The following PRKG1 variants were observed in gnomAD, a reference collection of about 807,000 sequenced individuals.
The protein encoded by PRKG1 is cGMP-dependent protein kinase 1.
PRKG1 carries 35 observed loss-of-function variants against 88.1 expected under a neutral mutation model. That is an observed-to-expected ratio of 0.40 (90% confidence interval 0.30 to 0.53). The LOEUF is 0.53. Ranked by LOEUF, PRKG1 falls within the 20% of genes least tolerant of loss-of-function variation. PRKG1 has a pLI of 0.59. For missense variants in PRKG1, 540 were observed against 839.8 expected (o/e 0.64, Z 4.41); for synonymous variants, 303 against 292.5 (o/e 1.04, Z -0.37).
At chr10:51,716,698 G>T (rs570817420) in intron 3 of PRKG1, among the ~76,000 whole-genome samples, 37 of 152,160 alleles carry the variant, frequency 2.4e-4, no homozygotes, top group Non-Finnish European at 4.9e-4. Context: ...TAATATTGCT[G>T]TTTTTTCTGA....
At chr10:51,899,892 T>G (rs930876206) in intron 4 of PRKG1, among the ~76,000 whole-genome samples, 8 of 151,822 alleles carry the variant, frequency 5.3e-5, no homozygotes, top group African/African-American at 1.7e-4. Context: ...TGGTGATGAG[T>G]GAGTTCTCAC....
intron 9 of PRKG1, among the ~76,000 whole-genome samples, chr10:52,164,120 G>T (rs1322472306): frequency 6.6e-6 from 1 of 152,066 alleles, no homozygotes; most frequent in Non-Finnish European, 1.5e-5. Flanking sequence ...GGAGGTCAAG[G>T]GGGGAAGATC....
At chr10:52,160,602 A>G (rs1295095749) in intron 8 of PRKG1, among the ~76,000 whole-genome samples, 2 of 151,960 alleles carry the variant, frequency 1.3e-5, no homozygotes, top group Non-Finnish European at 2.9e-5. Context: ...ACCCACCCCA[A>G]GAAGGATGTC....
chr10:51,184,612 GT>G lies in PRKG1; in HGVS notation c.478+31289del, dbSNP rs1015971672. Among the ~76,000 whole-genome samples, 5 of 151,820 alleles carry G rather than the reference GT, an allele frequency of 3.3e-5. 1 individual carries two copies. Among genetic ancestry groups the G allele is most frequent in the East Asian group, 3.9e-4 (2 of 5,180 alleles). ...TGAAACTAATGACTAATGAAGGGTT[GT>G]TTTTTTCTTTTTTTCATTTTAGGAT... On this transcript the variant is annotated intron_variant, in intron 2 of 17. Transcript: ENST00000373980.
At chr10:52,049,029 A>G (rs970489452) in intron 5 of PRKG1, among the ~76,000 whole-genome samples, 1 of 152,180 alleles carries the variant, frequency 6.6e-6, no homozygotes, top group Non-Finnish European at 1.5e-5. Context: ...ATTTCAGATC[A>G]TAAAGACTGT....
intron 2 of PRKG1, among the ~76,000 whole-genome samples, chr10:51,391,380 G>C (rs554811243): frequency 6.6e-6 from 1 of 152,282 alleles, no homozygotes; most frequent in South Asian, 2.1e-4. Flanking sequence ...TTGCTAATCT[G>C]GTTGGTGGAA....
At chr10:51,698,912 G>GGGCCAA in intron 3 of PRKG1, 2 of 1,614,162 alleles carry the variant, frequency 1.2e-6, no homozygotes, top group South Asian at 2.2e-5. Context: ...GCCAGGGCCA[G>GGGCCAA]GGCCAGAGAC....
At chr10:51,026,667 G>A (rs1275941240) in intron 1 of PRKG1, among the ~76,000 whole-genome samples, 3 of 152,110 alleles carry the variant, frequency 2.0e-5, no homozygotes, top group African/African-American at 7.2e-5. Context: ...TTGAGTCACA[G>A]CAGCTAGTTG....
At chr10:52,199,613 C>T (rs529479773) in intron 9 of PRKG1, among the ~76,000 whole-genome samples, 11 of 152,204 alleles carry the variant, frequency 7.2e-5, no homozygotes, top group South Asian at 2.1e-4. Flanking sequence ...TCAGCTTTGC[C>T]GGAGCCCTAC....
intron 3 of PRKG1, among the ~76,000 whole-genome samples, chr10:51,668,715 T>C (rs1370090943): frequency 6.6e-6 from 1 of 152,146 alleles, no homozygotes; most frequent in Non-Finnish European, 1.5e-5. Flanking sequence ...TAGGACTGTT[T>C]TGTGTTTTAG....
intron 5 of PRKG1, among the ~76,000 whole-genome samples, chr10:51,942,486 G>C (rs1842931936): frequency 6.6e-6 from 1 of 151,180 alleles, no homozygotes; most frequent in Non-Finnish European, 1.5e-5. Context: ...TTTGGCTTTG[G>C]TTGCCATTGC....
intron 5 of PRKG1, among the ~76,000 whole-genome samples, chr10:52,037,216 T>C (rs1333052389): frequency 8.0e-5 from 12 of 150,482 alleles, no homozygotes; most frequent in Middle Eastern, 3.4e-3. Flanking sequence ...GCCAGATTTC[T>C]GGCACATGTA....
chr10:51,350,640 C>T (rs1472630533), intron 2 of PRKG1, among the ~76,000 whole-genome samples: 1 of 151,822 alleles, frequency 6.6e-6, no homozygotes, highest in East Asian at 2.0e-4. Flanking sequence ...TCAAATTATC[C>T]TTGTTTGCAG....
intron 1 of PRKG1, among the ~76,000 whole-genome samples, chr10:50,993,713 C>T (rs1842805257): frequency 6.6e-6 from 1 of 152,246 alleles, no homozygotes; most frequent in Admixed American, 6.5e-5. Flanking sequence ...GAGGAGATTT[C>T]ACCAGGATAT....
intron 3 of PRKG1, among the ~76,000 whole-genome samples, chr10:51,470,118 A>G (rs867101141): frequency 6.6e-6 from 1 of 151,726 alleles, no homozygotes. Flanking sequence ...CACATTGTGG[A>G]TGCTACTTTT....
At chr10:52,134,485 C>G (rs929196693) in intron 8 of PRKG1, among the ~76,000 whole-genome samples, 1 of 152,102 alleles carries the variant, frequency 6.6e-6, no homozygotes, top group Admixed American at 6.6e-5. Flanking sequence ...TTCTGGCTTG[C>G]TCTTTTCATT....
intron 2 of PRKG1, among the ~76,000 whole-genome samples, chr10:51,410,507 T>G (rs778654473): frequency 2.8e-4 from 43 of 152,108 alleles, no homozygotes; most frequent in Admixed American, 1.1e-3. Flanking sequence ...TTATATTTGC[T>G]GGCAGCTGAT....
At chr10:51,850,198 T>C (rs1371050578) in intron 4 of PRKG1, among the ~76,000 whole-genome samples, 1 of 152,228 alleles carries the variant, frequency 6.6e-6, no homozygotes, top group African/African-American at 2.4e-5. Flanking sequence ...TTTTTTGAGA[T>C]GAAGTTTTGC....
intron 2 of PRKG1, among the ~76,000 whole-genome samples, chr10:51,264,956 T>G (rs1839801778): frequency 6.6e-6 from 1 of 152,146 alleles, no homozygotes; most frequent in Non-Finnish European, 1.5e-5. Flanking sequence ...AGTAAAATGA[T>G]ACAGGACGTC....
Sources: gnomAD v4.1 joint callset for allele counts (sites outside exome capture counted in the v4.1 genomes callset) on GRCh38, gnomAD v4.1.1 for gene constraint, MANE v1.5 for transcripts, NCBI Gene and HGNC (gene_info 2026-07-23, HGNC 2026-07-21) for gene names.